SCGB2B2: variants seen among roughly 807,000 people sequenced by gnomAD.
SCGB2B2 encodes secretoglobin-like protein.
In SCGB2B2, 11 loss-of-function variants were observed where a neutral mutation model predicts 7.6. The ratio of observed to expected loss-of-function variants is 1.45; its 90% CI spans 0.91 to 2.40. The LOEUF is 2.40. Among genes scored for constraint, SCGB2B2 ranks in the 30% most tolerant of loss-of-function variants. The probability of loss-of-function intolerance (pLI) is 0.00; values close to 1 mark genes in which losing one functional copy is unlikely to be tolerated. For missense variants in SCGB2B2, 104 were observed against 115.4 expected (o/e 0.90, Z 0.45); for synonymous variants, 50 against 48.6 (o/e 1.03, Z -0.12).
chr19:34,625,976 T>G (rs1010165812), intron 1 of SCGB2B2, among the ~76,000 whole-genome samples: 1 of 152,234 alleles, frequency 6.6e-6, no homozygotes, highest in Non-Finnish European at 1.5e-5. Flanking sequence ...TCCGCTGTTC[T>G]GCAGCCTCCG....
At chr19:34,599,517 C>T (rs997114721) in intron 1 of SCGB2B2, among the ~76,000 whole-genome samples, 2 of 152,196 alleles carry the variant, frequency 1.3e-5, no homozygotes, top group East Asian at 3.8e-4. Flanking sequence ...CCAAGCAAGA[C>T]AGGTTTCCCC....
chr19:34,665,262 G>C (rs984914027), intron 1 of SCGB2B2, among the ~76,000 whole-genome samples: 1 of 152,248 alleles, frequency 6.6e-6, no homozygotes, highest in African/African-American at 2.4e-5. Context: ...CTGGACCACA[G>C]TGATGACAAG....
chr19:34,674,098 C>G (rs955225766), intron 1 of SCGB2B2, among the ~76,000 whole-genome samples: 19 of 152,196 alleles, frequency 1.2e-4, no homozygotes, highest in African/African-American at 4.6e-4. Flanking sequence ...ATGAACTTAA[C>G]TCATATTCCA....
chr19:34,642,438 G>A (rs942787693), intron 1 of SCGB2B2, among the ~76,000 whole-genome samples: 6 of 152,216 alleles, frequency 3.9e-5, no homozygotes, highest in Non-Finnish European at 7.4e-5. Context: ...CAAAGGGGCC[G>A]GGCCTGGTGG....
chr19:34,587,247 G>A (rs112324211), downstream of SCGB2B2, among the ~76,000 whole-genome samples: 5,909 of 152,064 alleles, frequency 0.039, 334 homozygotes, highest in African/African-American at 0.12. Context: ...TTAATAATTT[G>A]ATCATTTACA....
At chr19:34,665,167 G>A (rs113270558) in intron 1 of SCGB2B2, among the ~76,000 whole-genome samples, 6 of 152,248 alleles carry the variant, frequency 3.9e-5, no homozygotes, top group East Asian at 3.9e-4. Flanking sequence ...CAGGCCTTGC[G>A]TCCCTCCTGT....
chr19:34,585,988 C>CA (rs1338721147), downstream of SCGB2B2, among the ~76,000 whole-genome samples: 12 of 152,128 alleles, frequency 7.9e-5, no homozygotes, highest in Non-Finnish European at 5.9e-5. Context: ...TGACATATAA[C>CA]AATTACATAT....
intron 1 of SCGB2B2, among the ~76,000 whole-genome samples, chr19:34,611,336 T>C (rs1434068856): frequency 6.6e-6 from 1 of 152,180 alleles, no homozygotes; most frequent in East Asian, 1.9e-4. Context: ...GTGATCCTTA[T>C]TATAGTTTTC....
chr19:34,591,906 C>T lies in SCGB2B2; in HGVS notation c.*1649G>A, dbSNP rs145804593. On this transcript the variant is annotated 3_prime_UTR_variant, in exon 4 of 4. Transcript: ENST00000601241. ...ATTACAATTTTCTTGAGCTTTGCAA[C>T]CCCCTCTTCACCTTGGATGTGAACT... Among the ~76,000 whole-genome samples, 293 of 152,302 alleles carry T rather than the reference C, an allele frequency of 1.9e-3. No homozygotes were observed. Among genetic ancestry groups the T allele is most frequent in the African/African-American group, 6.6e-3 (276 of 41,566 alleles).
chr19:34,644,056 G>A (rs2066920380), intron 1 of SCGB2B2, among the ~76,000 whole-genome samples: 1 of 152,196 alleles, frequency 6.6e-6, no homozygotes, highest in South Asian at 2.1e-4. Context: ...TTTGTGATTT[G>A]TGATTTATGA....
intron 1 of SCGB2B2, among the ~76,000 whole-genome samples, chr19:34,643,929 T>A (rs2066917162): frequency 6.6e-6 from 1 of 152,114 alleles, no homozygotes; most frequent in Non-Finnish European, 1.5e-5. Context: ...AGACAATTAC[T>A]TTCTACAGAA....
intron 1 of SCGB2B2, among the ~76,000 whole-genome samples, chr19:34,601,084 A>G (rs1010404545): frequency 1.3e-5 from 2 of 152,192 alleles, no homozygotes; most frequent in African/African-American, 2.4e-5. Flanking sequence ...TGTGGGTAAG[A>G]GTCCAATACC....
At chr19:34,643,428 G>A (rs574196802) in intron 1 of SCGB2B2, among the ~76,000 whole-genome samples, 19 of 152,088 alleles carry the variant, frequency 1.2e-4, no homozygotes, top group South Asian at 2.1e-4. Context: ...GGGTGTGGGT[G>A]GGGGGAGATG....
chr19:34,613,832 A>G (rs919641807), intron 1 of SCGB2B2, among the ~76,000 whole-genome samples: 1 of 152,164 alleles, frequency 6.6e-6, no homozygotes, highest in African/African-American at 2.4e-5. Context: ...TAATGTCCTT[A>G]GAGTTTCTTT....
chr19:34,653,368 C>T (rs761308425), intron 1 of SCGB2B2, among the ~76,000 whole-genome samples: 5 of 150,936 alleles, frequency 3.3e-5, no homozygotes, highest in Admixed American at 2.0e-4. Context: ...TGCATGTTCC[C>T]AATACGAAGT....
chr19:34,630,295 G>T (rs2066492922), intron 1 of SCGB2B2, among the ~76,000 whole-genome samples: 1 of 151,892 alleles, frequency 6.6e-6, no homozygotes, highest in African/African-American at 2.4e-5. Context: ...CTTCTGCACA[G>T]CAAAAGAAAC....
rs891099574 is a variant in SCGB2B2, at chr19:34,649,936, T to C, written c.-2032+25694A>G. Among the ~76,000 whole-genome samples, 39 of 151,076 alleles carry C rather than the reference T, an allele frequency of 2.6e-4. 5 individuals are homozygous for C. The highest frequency in any genetic ancestry group is 9.6e-4 in the African/African-American group (39 of 40,484). On this transcript the variant is annotated intron_variant, in intron 1 of 3. Transcript: ENST00000601241. ...GGTGATTCCAATGCCTGACCATCTG[T>C]TCTTCTTCTTCAAGTCAAGGGTGAA... is the stretch of plus-strand genomic sequence containing the variant.
chr19:34,649,227 T>C (rs569214531), intron 1 of SCGB2B2, among the ~76,000 whole-genome samples: 36 of 152,294 alleles, frequency 2.4e-4, no homozygotes, highest in Non-Finnish European at 4.1e-4. Flanking sequence ...CAACTAGGAC[T>C]GACACTGTAT....
intron 1 of SCGB2B2, among the ~76,000 whole-genome samples, chr19:34,674,939 A>AT (rs1819263750): frequency 6.6e-6 from 1 of 152,082 alleles, no homozygotes; most frequent in South Asian, 2.1e-4. Context: ...CTTAAACCTC[A>AT]TTTTTTCCTA....
Sources: gnomAD v4.1 joint callset for allele counts (sites outside exome capture counted in the v4.1 genomes callset) on GRCh38, gnomAD v4.1.1 for gene constraint, MANE v1.5 for transcripts, NCBI Gene and HGNC (gene_info 2026-07-23, HGNC 2026-07-21) for gene names.